SEPTIN9: variants seen among roughly 807,000 people sequenced by gnomAD.
The protein encoded by SEPTIN9 is septin 9, also known as septin-9.
Under a neutral mutation model 56.6 loss-of-function variants are expected in SEPTIN9, and 13 were observed. That is an observed-to-expected ratio of 0.23 (90% CI 0.15 to 0.37). SEPTIN9 has a LOEUF of 0.37. Ranked by LOEUF, SEPTIN9 falls within the 10% of genes least tolerant of loss-of-function variation. The pLI, the probability that SEPTIN9 is intolerant of heterozygous loss-of-function variation, is 1.00. For missense variants in SEPTIN9, 650 were observed against 823.1 expected, an observed-to-expected ratio of 0.79 and a Z score of 2.57; for synonymous variants, 332 against 334.1, an observed-to-expected ratio of 0.99 and a Z score of 0.07.
chr17:77,482,828 C>T (rs115752229), intron 4 of SEPTIN9: 34 of 495,702 alleles, frequency 6.9e-5, no homozygotes, highest in African/African-American at 5.4e-4. Flanking sequence ...GAGGTCACCA[C>T]GGGAGGTCGT....
Position 77,317,779 on chromosome 17 carries a change from A to C in SEPTIN9, c.76+10582A>C, listed in dbSNP as rs896285969. ...AAAAAATAAAAAATAAAGGCCAGGCACAGTGGCTTATGCCTGTAATCCCAG... is the reference window on the plus strand; with the variant it reads ...AAAAAATAAAAAATAAAGGCCAGGCCCAGTGGCTTATGCCTGTAATCCCAG... On this transcript the variant is annotated intron_variant, in intron 2 of 11. Transcript: ENST00000427177. This position sits in a 1 kb window ranked among gnomAD's most constrained non-coding sequence, Gnocchi z 4.2. 6.6e-5 allele frequency among the ~76,000 whole-genome samples: 10 copies of C among 152,226 alleles called. No individual in the cohort carries two copies. Among genetic ancestry groups the C allele is most frequent in the East Asian group, 3.8e-4 (2 of 5,196 alleles).
chr17:77,290,297 G>T (rs977041550), intron 1 of SEPTIN9, among the ~76,000 whole-genome samples: 1 of 143,112 alleles, frequency 7.0e-6, no homozygotes, highest in East Asian at 2.1e-4. Flanking sequence ...TCGCTCTGTT[G>T]CCCAGGCTGG....
intron 3 of SEPTIN9, among the ~76,000 whole-genome samples, chr17:77,461,448 G>C (rs972230860): frequency 2.5e-4 from 38 of 152,188 alleles, no homozygotes; most frequent in Middle Eastern, 3.2e-3. Flanking sequence ...AGAATTGAAG[G>C]AGGGGACACA....
At chr17:77,287,491 G>T (rs2031334091) in intron 1 of SEPTIN9, among the ~76,000 whole-genome samples, 1 of 152,192 alleles carries the variant, frequency 6.6e-6, no homozygotes, top group African/African-American at 2.4e-5. Context: ...AGCGTCTGCC[G>T]GGCGCTGCTG....
intron 3 of SEPTIN9, among the ~76,000 whole-genome samples, chr17:77,423,641 C>T (rs1353064299): frequency 6.6e-6 from 1 of 152,294 alleles, no homozygotes; most frequent in East Asian, 1.9e-4. Flanking sequence ...TCCCCTTCCC[C>T]GGCTCCGCGC....
At chr17:77,406,813 G>A (rs1050811138) in intron 3 of SEPTIN9, among the ~76,000 whole-genome samples, 6 of 152,206 alleles carry the variant, frequency 3.9e-5, no homozygotes, top group Middle Eastern at 3.4e-3. Flanking sequence ...TGGGACTATA[G>A]GCGTGGGCTA....
chr17:77,447,584 C>T (rs930123646), intron 3 of SEPTIN9, among the ~76,000 whole-genome samples: 4 of 152,242 alleles, frequency 2.6e-5, no homozygotes, highest in African/African-American at 7.2e-5. Flanking sequence ...TCTTTGGAAT[C>T]GTCTAAGAGA....
At chr17:77,333,493 C>T (rs1430412030) in intron 2 of SEPTIN9, among the ~76,000 whole-genome samples, 2 of 152,166 alleles carry the variant, frequency 1.3e-5, no homozygotes, top group African/African-American at 2.4e-5. Context: ...TCCCCAAGAG[C>T]CGGTTTTACA....
At chr17:77,452,402 G>A (rs925813966) in intron 3 of SEPTIN9, among the ~76,000 whole-genome samples, 1 of 152,220 alleles carries the variant, frequency 6.6e-6, no homozygotes, top group African/African-American at 2.4e-5. Flanking sequence ...TGACTCTGGG[G>A]ACTGACTCAG....
At chr17:77,316,232 G>A (rs2032700050) in intron 2 of SEPTIN9, among the ~76,000 whole-genome samples, 6 of 152,182 alleles carry the variant, frequency 3.9e-5, no homozygotes, top group African/African-American at 1.2e-4. Context: ...CTTACACCAT[G>A]CGCGGTGAGA....
chr17:77,466,419 G>C (rs902008073), intron 3 of SEPTIN9: 3 of 985,418 alleles, frequency 3.0e-6, no homozygotes, highest in African/African-American at 3.5e-5. Context: ...GGCCTGGGAG[G>C]GGACAGGCTC....
At chr17:77,411,660 A>T (rs146697545) in intron 3 of SEPTIN9, among the ~76,000 whole-genome samples, 27 of 151,328 alleles carry the variant, frequency 1.8e-4, no homozygotes, top group African/African-American at 6.5e-4. Context: ...TCGGCCTCCC[A>T]AAGTAGCACG....
intron 3 of SEPTIN9, among the ~76,000 whole-genome samples, chr17:77,427,942 G>A (rs577779362): frequency 2.4e-4 from 36 of 152,274 alleles, no homozygotes; most frequent in East Asian, 1.9e-4. Context: ...TTTAACCAGC[G>A]CCCCTCCCCA....
rs899026082 is a variant in SEPTIN9, at chr17:77,310,651, G to A, written c.76+3454G>A. On this transcript the variant is annotated intron_variant, in intron 2 of 11. Coordinates refer to ENST00000427177, the MANE Select transcript of SEPTIN9 (RefSeq NM_001113491.2). The surrounding 1 kb of genome is among the most constrained non-coding windows in gnomAD (Gnocchi z 4.7). The stretch of plus-strand genomic sequence containing the variant: ...CAGCCCTTCTAGATGTTACCACCAC[G>A]CCCTCCCGAGTGGCCTTCTGGTAGG... 6.6e-6 allele frequency among the ~76,000 whole-genome samples: 1 copy of A among 152,124 alleles called. No individual in the cohort carries two copies. The highest frequency in any genetic ancestry group is 1.5e-5 in the Non-Finnish European group (1 of 68,014).
intron 3 of SEPTIN9, among the ~76,000 whole-genome samples, chr17:77,432,149 T>C (rs1598364663): frequency 6.6e-6 from 1 of 152,330 alleles, no homozygotes; most frequent in South Asian, 2.1e-4. Context: ...ACATGCTACC[T>C]GGACTCTGAC....
At chr17:77,293,551 G>A (rs2031668135) in intron 1 of SEPTIN9, among the ~76,000 whole-genome samples, 1 of 152,194 alleles carries the variant, frequency 6.6e-6, no homozygotes, top group Non-Finnish European at 1.5e-5. Flanking sequence ...GGAACAGAGA[G>A]GCAATCAGCA....
chr17:77,328,652 C>T (rs1445293150), intron 2 of SEPTIN9, among the ~76,000 whole-genome samples: 1 of 152,222 alleles, frequency 6.6e-6, no homozygotes, highest in East Asian at 1.9e-4. Flanking sequence ...AGGCATGAGC[C>T]ACCGTGCCTG....
intron 2 of SEPTIN9, among the ~76,000 whole-genome samples, chr17:77,348,061 A>C (rs74000208): frequency 0.011 from 1,714 of 152,254 alleles, 29 homozygotes; most frequent in African/African-American, 0.038. Context: ...ACCTGTGTTT[A>C]TACTGAAACA....
intron 2 of SEPTIN9, among the ~76,000 whole-genome samples, chr17:77,338,376 G>A (rs987010638): frequency 2.6e-5 from 4 of 152,066 alleles, no homozygotes; most frequent in African/African-American, 9.7e-5. Context: ...GGTGGTTGCT[G>A]AAAGTTGAAG....
Sources: allele counts gnomAD v4.1 joint callset (sites outside exome capture counted in the v4.1 genomes callset), GRCh38; gene constraint gnomAD v4.1.1; non-coding constraint Gnocchi (gnomAD v3.1); transcripts MANE v1.5; gene names NCBI Gene and HGNC (gene_info 2026-07-23, HGNC 2026-07-21).